Variants in GABBR2 observed in about 807,000 individuals in gnomAD.
The protein encoded by GABBR2 is gamma-aminobutyric acid type B receptor subunit 2, also known as G-protein coupled receptor 51.
Under a neutral mutation model 105.6 loss-of-function variants are expected in GABBR2, and 23 were observed. The ratio of observed to expected loss-of-function variants is 0.22; its 90% CI spans 0.16 to 0.31. The LOEUF (loss-of-function observed/expected upper bound fraction) is 0.31. GABBR2 is among the 10% of genes least tolerant of loss of function. The probability of loss-of-function intolerance (pLI) is 1.00; values close to 1 mark genes in which losing one functional copy is unlikely to be tolerated. For synonymous variants in GABBR2, 478 were observed against 499.7 expected (o/e 0.96, Z 0.58); for missense variants, 734 against 1,245.5 (o/e 0.59, Z 6.18).
rs1491367567 is a variant in GABBR2, at chr9:98,436,406, TAG to T, written c.1236+17573_1236+17574del. Reference sequence around the variant, plus strand: ...ATATATATATATATATATATATATATAGTATGGCGTTCTTTCTTCTACTACCA... The same window carrying T: ...ATATATATATATATATATATATATATTATGGCGTTCTTTCTTCTACTACCA... On this transcript the variant is annotated intron_variant, in intron 7 of 18. Transcript: ENST00000259455. Among the ~76,000 whole-genome samples, 167 of 63,090 alleles carry T rather than the reference TAG, an allele frequency of 2.6e-3. 23 individuals carry two copies. The highest frequency in any genetic ancestry group is 0.015 in the Middle Eastern group (2 of 134). The allele number at this position is 63,090 out of a possible 152,430, so 41.4% of individuals were successfully genotyped here.
chr9:98,465,031 T>G (rs1487452035), intron 6 of GABBR2, among the ~76,000 whole-genome samples: 2 of 150,898 alleles, frequency 1.3e-5, no homozygotes, highest in African/African-American at 4.9e-5. Flanking sequence ...TTTGTTCTTG[T>G]GTTTATCTGC....
At chr9:98,446,341 GA>G (rs1189882974) in intron 7 of GABBR2, among the ~76,000 whole-genome samples, 1 of 152,126 alleles carries the variant, frequency 6.6e-6, no homozygotes, top group African/African-American at 2.4e-5. Flanking sequence ...GCCACACTTT[GA>G]AAGAAGAAAT....
chr9:98,386,496 T>C (rs2131491314), intron 10 of GABBR2, among the ~76,000 whole-genome samples: 1 of 152,298 alleles, frequency 6.6e-6, no homozygotes, highest in Admixed American at 6.5e-5. Context: ...CCACTACCCC[T>C]GTCTTCACTA....
Position 98,708,471 on chromosome 9 carries a change from G to C in GABBR2, c.267C>G (p.Arg89=). The C allele has an allele frequency of 1.3e-6, 2 of 1,583,870 alleles. No homozygotes were observed. The highest frequency in any genetic ancestry group is 2.3e-5 in the East Asian group (1 of 43,282). The change falls in exon 1 of 19, where the codon CGC becomes CGG. Residue 89 remains arginine (R), a synonymous_variant. Coordinates refer to ENST00000259455, the MANE Select transcript of GABBR2 (RefSeq NM_005458.8). ...PAVELAIEQI[R]NESLLRPYFL... is the part of the protein sequence containing the mutation. The stretch of plus-strand genomic sequence containing the variant: ...AGTAGGGGCGCAGGAGTGACTCGTT[G>C]CGGATCTGCTCGATGGCCAGTTCCA...
At chr9:98,412,405 T>A (rs1832607057) in intron 7 of GABBR2, among the ~76,000 whole-genome samples, 1 of 152,132 alleles carries the variant, frequency 6.6e-6, no homozygotes, top group Non-Finnish European at 1.5e-5. Flanking sequence ...CTTTGGGAGG[T>A]GTGAGCATGC....
intron 2 of GABBR2, among the ~76,000 whole-genome samples, chr9:98,546,256 T>C (rs1828398974): frequency 2.7e-5 from 4 of 149,200 alleles, no homozygotes. Context: ...ATAACCAAAC[T>C]AATTATATTA....
intron 1 of GABBR2, among the ~76,000 whole-genome samples, chr9:98,591,358 G>C (rs941130574): frequency 1.2e-4 from 18 of 152,206 alleles, no homozygotes; most frequent in African/African-American, 4.3e-4. Flanking sequence ...GGTTCGGACT[G>C]GCTTGAGCCA....
intron 11 of GABBR2, among the ~76,000 whole-genome samples, chr9:98,380,197 T>C (rs1831947084): frequency 6.6e-6 from 1 of 152,214 alleles, no homozygotes; most frequent in African/African-American, 2.4e-5. Flanking sequence ...GGCTGAAAGC[T>C]GGCCTTGGTG....
intron 7 of GABBR2, among the ~76,000 whole-genome samples, chr9:98,430,761 C>T (rs573566655): frequency 6.6e-6 from 1 of 152,188 alleles, no homozygotes; most frequent in East Asian, 1.9e-4. Context: ...CTCTGCAACT[C>T]AGCAAGACTG....
intron 1 of GABBR2, among the ~76,000 whole-genome samples, chr9:98,585,667 T>C (rs1461639767): frequency 1.3e-5 from 2 of 152,136 alleles, no homozygotes; most frequent in East Asian, 3.9e-4. Flanking sequence ...AAAATATATA[T>C]GTGTTAGGCA....
intron 7 of GABBR2, among the ~76,000 whole-genome samples, chr9:98,424,531 G>C (rs1832839807): frequency 6.6e-6 from 1 of 152,058 alleles, no homozygotes. Context: ...AGGAAAAGAG[G>C]AAGTCAAATT....
rs367939866 is a variant in GABBR2 at position 98,491,086 on chromosome 9, T to C, written c.732+5327A>G. ...TTGTGTTTCTGTCAATTTCCGTCTC[T>C]ATTTTTAACAGGCTTTTCTTTCTTT... is the stretch of plus-strand genomic sequence containing the variant. On this transcript the variant is annotated intron_variant, in intron 4 of 18. Transcript: ENST00000259455. 4.6e-5 allele frequency among the ~76,000 whole-genome samples: 7 copies of C among 152,316 alleles called. No individual in the cohort carries two copies. In the East Asian group the frequency reaches 1.3e-3, roughly 29 times the overall value.
At chr9:98,556,149 G>T (rs977342005) in intron 2 of GABBR2, among the ~76,000 whole-genome samples, 12 of 152,160 alleles carry the variant, frequency 7.9e-5, no homozygotes, top group African/African-American at 2.2e-4. Context: ...CAGGGTTTGC[G>T]CCCCATCCCC....
intron 13 of GABBR2, among the ~76,000 whole-genome samples, chr9:98,343,171 C>T (rs1831244075): frequency 6.6e-6 from 1 of 152,190 alleles, no homozygotes. Context: ...ATCCCTTTGT[C>T]CCAAATGGCC....
chr9:98,333,123 G>GCAGA (rs1831056606), intron 13 of GABBR2, among the ~76,000 whole-genome samples: 1 of 152,134 alleles, frequency 6.6e-6, no homozygotes, highest in Non-Finnish European at 1.5e-5. Context: ...AGGGTTCAGG[G>GCAGA]CAGAGCAGCC....
At chr9:98,509,397 G>C (rs1051821810) in intron 3 of GABBR2, among the ~76,000 whole-genome samples, 8 of 152,188 alleles carry the variant, frequency 5.3e-5, no homozygotes, top group African/African-American at 1.2e-4. Flanking sequence ...CTCCTCACCA[G>C]CAACAGAACA....
chr9:98,399,077 C>T (rs761467597), intron 8 of GABBR2, among the ~76,000 whole-genome samples: 12 of 152,000 alleles, frequency 7.9e-5, no homozygotes, highest in African/African-American at 2.7e-4. Flanking sequence ...ATCTTGGGGC[C>T]GGGTGTAGTG....
intron 9 of GABBR2, 72 bp from the exon 10 acceptor site, chr9:98,389,076 T>A (rs1832132129): frequency 7.5e-7 from 1 of 1,329,084 alleles, no homozygotes; most frequent in Admixed American, 1.9e-5. Context: ...TGCCTTAGTG[T>A]CCCTGACATC....
At chr9:98,522,970 T>C (rs1827894265) in intron 3 of GABBR2, among the ~76,000 whole-genome samples, 1 of 152,190 alleles carries the variant, frequency 6.6e-6, no homozygotes, top group African/African-American at 2.4e-5. Context: ...TTACAATAGA[T>C]ATTGTTGCAT....
Sources: gnomAD v4.1 joint callset for allele counts (sites outside exome capture counted in the v4.1 genomes callset) on GRCh38, gnomAD v4.1.1 for gene constraint, MANE v1.5 for transcripts, NCBI Gene and HGNC (gene_info 2026-07-23, HGNC 2026-07-21) for gene names.